MTMR3: variants seen among roughly 807,000 people sequenced by gnomAD.
The protein encoded by MTMR3 is phosphatidylinositol-3,5-bisphosphate 3-phosphatase MTMR3.
A neutral mutation model predicts 132.4 loss-of-function variants in MTMR3; 32 were observed. The ratio of observed to expected loss-of-function variants is 0.24; its 90% confidence interval spans 0.18 to 0.32. The LOEUF (loss-of-function observed/expected upper bound fraction) is 0.32. Ranked by LOEUF, MTMR3 falls within the 10% of genes least tolerant of loss-of-function variation. The pLI is 1.00. For missense variants in MTMR3, 1,216 were observed against 1,489.6 expected, an observed-to-expected ratio of 0.82 and a Z score of 3.02; for synonymous variants, 556 against 550.3, an observed-to-expected ratio of 1.01 and a Z score of -0.14.
intron 1 of MTMR3, among the ~76,000 whole-genome samples, chr22:29,908,454 A>G (rs2065144813): frequency 6.6e-6 from 1 of 152,194 alleles, no homozygotes; most frequent in South Asian, 2.1e-4. Context: ...ATAGAATGAA[A>G]GTGGATTTGC....
At chr22:29,987,609 G>T (rs892758535) in intron 5 of MTMR3, 28 of 152,178 alleles carry the variant, frequency 1.8e-4, no homozygotes, top group African/African-American at 6.8e-4. Flanking sequence ...TGATTTAAGG[G>T]ATAGGAGGAG....
intron 5 of MTMR3, chr22:29,983,584 G>A (rs919787649): frequency 6.6e-6 from 1 of 152,222 alleles, no homozygotes; most frequent in African/African-American, 2.4e-5. Flanking sequence ...TGTCAAAGGT[G>A]AACAATAGAG....
chr22:30,017,183 A>G (rs1297121327), intron 15 of MTMR3: 2 of 155,782 alleles, frequency 1.3e-5, no homozygotes, highest in African/African-American at 4.8e-5. Flanking sequence ...TCACATGAAG[A>G]GCTGGCAGGC....
chr22:29,895,102 G>A (rs2072725923), intron 1 of MTMR3, among the ~76,000 whole-genome samples: 1 of 152,128 alleles, frequency 6.6e-6, no homozygotes, highest in Non-Finnish European at 1.5e-5. Context: ...CAGCTACTCA[G>A]GAGGCTGAGG....
chr22:29,944,969 A>T (rs978412904), intron 1 of MTMR3, among the ~76,000 whole-genome samples: 2 of 152,184 alleles, frequency 1.3e-5, no homozygotes, highest in African/African-American at 4.8e-5. Flanking sequence ...ATTTCTCCAT[A>T]ATCAAAGTAA....
In MTMR3 at chr22:30,025,474, C is replaced by G. The variant is rs572921351; in HGVS notation, c.3426-156C>G. The G allele has an allele frequency of 2.3e-5, 17 of 728,884 alleles. No individual in the cohort carries two copies. In the Admixed American group the frequency reaches 4.0e-4, roughly 17 times the overall value. The allele number at this position is 728,884 out of a possible 1,614,324, so 45.2% of individuals were successfully genotyped here. A position where few individuals can be genotyped will look rare whatever the true frequency, so the allele number is the denominator to read the frequency against. On this transcript the variant is annotated intron_variant, in intron 19 of 19. Coordinates refer to ENST00000401950, the MANE Select transcript of MTMR3 (RefSeq NM_021090.4). ...TGCTAGGTAGGGACACCCTCCCTAC[C>G]CAGCTTGTTCCTGGGCTAGAGAGAT... is the stretch of plus-strand genomic sequence containing the variant.
At chr22:29,921,613 C>T (rs2065414981) in intron 1 of MTMR3, among the ~76,000 whole-genome samples, 1 of 152,094 alleles carries the variant, frequency 6.6e-6, no homozygotes, top group Non-Finnish European at 1.5e-5. Context: ...TTGGTTACCA[C>T]CATCCTTCTC....
At chr22:30,003,620 C>G (rs1224414547) in intron 9 of MTMR3, 1 of 152,148 alleles carries the variant, frequency 6.6e-6, no homozygotes, top group Non-Finnish European at 1.5e-5. Flanking sequence ...GAATAAGTTC[C>G]CTAACTGACC....
At chr22:29,926,234 T>A (rs2065514843) in intron 1 of MTMR3, among the ~76,000 whole-genome samples, 1 of 152,254 alleles carries the variant, frequency 6.6e-6, no homozygotes. Context: ...TAATTCCTTT[T>A]AATGGCTGAA....
chr22:30,021,177 T>C, intron 17 of MTMR3: 1 of 431,520 alleles, frequency 2.3e-6, no homozygotes, highest in East Asian at 4.0e-5. Context: ...TCATAAGTCT[T>C]CAGAAGGGCT....
At chr22:29,924,477 G>A (rs1431798858) in intron 1 of MTMR3, among the ~76,000 whole-genome samples, 2 of 152,116 alleles carry the variant, frequency 1.3e-5, no homozygotes, top group Non-Finnish European at 1.5e-5. Flanking sequence ...TTTGTAGTAA[G>A]TTTTGCAGTC....
At chr22:29,891,888 C>T (rs1425648702) in intron 1 of MTMR3, among the ~76,000 whole-genome samples, 2 of 151,798 alleles carry the variant, frequency 1.3e-5, no homozygotes, top group African/African-American at 4.8e-5. Context: ...GGCGCGGTGG[C>T]TCAGGCCTGT....
chr22:29,888,506 G>C (rs1202721721), intron 1 of MTMR3, among the ~76,000 whole-genome samples: 1 of 152,174 alleles, frequency 6.6e-6, no homozygotes, highest in African/African-American at 2.4e-5. Flanking sequence ...TTACCTTAAA[G>C]CTATTCTGTT....
chr22:29,983,872 A>C (rs11090592), intron 5 of MTMR3: 15,659 of 152,236 alleles, frequency 0.1, 828 homozygotes, highest in Middle Eastern at 0.14. Flanking sequence ...CCTGGGCTCA[A>C]GCAGTGCACC....
intron 8 of MTMR3, chr22:29,999,077 C>T: frequency 3.1e-6 from 1 of 327,336 alleles, no homozygotes; most frequent in Non-Finnish European, 5.6e-6. Context: ...CTAGAACCTT[C>T]CCTTTTACCC....
intron 1 of MTMR3, among the ~76,000 whole-genome samples, chr22:29,893,661 G>A (rs74673466): frequency 3.4e-4 from 51 of 151,962 alleles, no homozygotes; most frequent in African/African-American, 1.1e-3. Flanking sequence ...ATCCTGTTTG[G>A]TAAATGAACT....
chr22:29,975,865 C>A (rs1410198848), intron 3 of MTMR3, among the ~76,000 whole-genome samples: 1 of 152,212 alleles, frequency 6.6e-6, no homozygotes, highest in Admixed American at 6.5e-5. Flanking sequence ...TGTAGCCCCC[C>A]AAAGTGCTGA....
intron 5 of MTMR3, chr22:29,981,463 A>G (rs188157012): frequency 1.3e-4 from 20 of 152,184 alleles, no homozygotes; most frequent in Admixed American, 1.2e-3. Flanking sequence ...CTTTTGATCA[A>G]TTTTCTTAAT....
intron 3 of MTMR3, among the ~76,000 whole-genome samples, chr22:29,976,454 A>G (rs1206701491): frequency 6.6e-6 from 1 of 152,204 alleles, no homozygotes; most frequent in Non-Finnish European, 1.5e-5. Context: ...CAAGTGCTTT[A>G]CTTTGTGACA....
Sources: gnomAD v4.1 joint callset for allele counts (sites outside exome capture counted in the v4.1 genomes callset) on GRCh38, gnomAD v4.1.1 for gene constraint, MANE v1.5 for transcripts, NCBI Gene and HGNC (gene_info 2026-07-23, HGNC 2026-07-21) for gene names.